ENOX2: variants seen among roughly 807,000 people sequenced by gnomAD.
The protein encoded by ENOX2 is ecto-NOX disulfide-thiol exchanger 2.
A neutral mutation model predicts 45.0 loss-of-function variants in ENOX2; 36 were observed. That is an observed-to-expected ratio of 0.80 (90% CI 0.61 to 1.06). The LOEUF is 1.06. ENOX2 is among the 50% of genes least tolerant of loss of function. The probability of loss-of-function intolerance (pLI) is 0.00; values close to 1 mark genes in which losing one functional copy is unlikely to be tolerated. For synonymous variants in ENOX2, 174 were observed against 152.3 expected, an observed-to-expected ratio of 1.14 and a Z score of -1.05; for missense variants, 423 against 462.5, an observed-to-expected ratio of 0.91 and a Z score of 0.78.
intron 6 of ENOX2, among the ~76,000 whole-genome samples, chrX:130,678,054 T>C (rs2148148702): frequency 9.4e-6 from 1 of 106,216 alleles, no homozygotes; most frequent in African/African-American, 3.5e-5. Flanking sequence ...ATCATTGCAC[T>C]CCAGCCTGGG....
chrX:130,892,289 T>C (rs1385588477), intron 2 of ENOX2, among the ~76,000 whole-genome samples: 1 of 112,631 alleles, frequency 8.9e-6, no homozygotes, highest in Admixed American at 9.3e-5. Flanking sequence ...TAAATCAGCA[T>C]ATTCATGAAG....
chrX:130,782,471 G>C (rs192728132), intron 3 of ENOX2, among the ~76,000 whole-genome samples: 1 of 111,525 alleles, frequency 9.0e-6, no homozygotes, highest in Non-Finnish European at 1.9e-5. Context: ...CCAGAAAACA[G>C]AGCTCTCTAA....
intron 2 of ENOX2, among the ~76,000 whole-genome samples, chrX:130,803,811 G>A (rs1003025771): frequency 8.9e-6 from 1 of 112,303 alleles, no homozygotes; most frequent in Non-Finnish European, 1.9e-5. Flanking sequence ...CCCTAGGGAC[G>A]GATAGAAGTT....
At chrX:130,709,476 T>TA (rs1311452872) in intron 3 of ENOX2, 5 of 410,109 alleles carry the variant, frequency 1.2e-5, no homozygotes, top group Non-Finnish European at 2.1e-5. Context: ...CAACGTCTAC[T>TA]AAAAATATAA....
intron 11 of ENOX2, among the ~76,000 whole-genome samples, chrX:130,635,802 T>C (rs2035917225): frequency 8.9e-6 from 1 of 112,065 alleles, no homozygotes; most frequent in Non-Finnish European, 1.9e-5. Context: ...CTTATTATAC[T>C]ATACGTCTTT....
intron 2 of ENOX2, among the ~76,000 whole-genome samples, chrX:130,840,630 G>A: frequency 9.0e-6 from 1 of 110,984 alleles, no homozygotes; most frequent in Non-Finnish European, 1.9e-5. Context: ...ACTTTGAGAG[G>A]GCAAGGCATG....
chrX:130,761,073 A>G (rs2039480064), intron 3 of ENOX2, among the ~76,000 whole-genome samples: 1 of 110,723 alleles, frequency 9.0e-6, no homozygotes. Context: ...TGGCTTACTA[A>G]TAGTTTGTTA....
intron 6 of ENOX2, 140 bp from the exon 7 acceptor site, chrX:130,670,338 T>C: frequency 2.1e-6 from 1 of 468,705 alleles, no homozygotes; most frequent in Non-Finnish European, 3.7e-6. Context: ...CAGATGTCAC[T>C]GCAGCAGTTC....
intron 3 of ENOX2, among the ~76,000 whole-genome samples, chrX:130,730,489 CAGG>C (rs773483035): frequency 8.9e-6 from 1 of 112,014 alleles, no homozygotes; most frequent in East Asian, 2.8e-4. Context: ...CTGGTACTGA[CAGG>C]AGGAGAAGCC....
At chrX:130,890,379 C>A in intron 2 of ENOX2, among the ~76,000 whole-genome samples, 1 of 111,436 alleles carries the variant, frequency 9.0e-6, no homozygotes, top group Middle Eastern at 4.6e-3. Context: ...CCTAAACCAC[C>A]CAAGCTCCTC....
At chrX:130,689,918 C>T (rs966167816) in intron 4 of ENOX2, among the ~76,000 whole-genome samples, 1 of 111,303 alleles carries the variant, frequency 9.0e-6, no homozygotes, top group Admixed American at 9.6e-5. Context: ...CACAATCTCA[C>T]GCGATACCAT....
chrX:130,797,374 C>T (rs1192247989), intron 2 of ENOX2, among the ~76,000 whole-genome samples: 1 of 111,957 alleles, frequency 8.9e-6, no homozygotes. Flanking sequence ...TGGAATGGGT[C>T]TCAATGCCAA....
chrX:130,720,086 A>C (rs879158368), intron 3 of ENOX2, among the ~76,000 whole-genome samples: 1 of 112,257 alleles, frequency 8.9e-6, no homozygotes, highest in Admixed American at 9.4e-5. Context: ...TAAAAGCTGC[A>C]TTATTATGAT....
chrX:130,683,945 G>A (rs1029893890), intron 5 of ENOX2, among the ~76,000 whole-genome samples: 67 of 111,812 alleles, frequency 6.0e-4, no homozygotes, highest in African/African-American at 2.0e-3. Flanking sequence ...GTCTGATTTT[G>A]CCTAGTCTAC....
chrX:130,897,933 T>C (rs1191919135), intron 2 of ENOX2, among the ~76,000 whole-genome samples: 2 of 111,692 alleles, frequency 1.8e-5, no homozygotes, highest in Non-Finnish European at 3.8e-5. Context: ...AGGCTAGAAG[T>C]GATGCATGTG....
At chrX:130,747,065 T>C (rs1029353152) in intron 3 of ENOX2, among the ~76,000 whole-genome samples, 3 of 112,236 alleles carry the variant, frequency 2.7e-5, no homozygotes, top group Non-Finnish European at 5.6e-5. Context: ...TTTCCTAAGT[T>C]GTTTGATGGT....
Position 130,670,210 on chromosome X carries a change from G to A in ENOX2, c.461-12C>T, listed in dbSNP as rs2036946596. 3.5e-6 allele frequency: 4 copies of A among 1,146,058 alleles called. No homozygotes were observed. Among genetic ancestry groups the A allele is most frequent in the South Asian group, 1.8e-5 (1 of 54,747 alleles). 94.4% of individuals were successfully genotyped at this position (1,146,058 alleles called of 1,213,427 possible). A position where few individuals can be genotyped will look rare whatever the true frequency, so the allele number is the denominator to read the frequency against. On this transcript the variant is annotated splice_polypyrimidine_tract_variant and intron_variant, in intron 6 of 14. Coordinates refer to ENST00000394363, the MANE Select transcript of ENOX2 (RefSeq NM_006375.4). ...GCGAATGCGGTAACCTAAGTCCACA[G>A]GAGGGTGAAAGGGAGAGGAGAGAGG...
intron 3 of ENOX2, among the ~76,000 whole-genome samples, chrX:130,749,745 C>T (rs1310009188): frequency 9.0e-6 from 1 of 110,704 alleles, no homozygotes. Flanking sequence ...GATGGTGGGG[C>T]CTTTGACGGT....
At position 130,701,950 on chromosome X, in the gene ENOX2, A is replaced by G. The variant is rs1038008089; in HGVS notation, c.97+1170T>C. On this transcript the variant is annotated intron_variant, in intron 4 of 14. Transcript: ENST00000394363. Reference sequence around the variant, plus strand: ...AGTTCTTTGCACCTGCCATATATAGAATTTAGACTCCTTTTTTTTCTCCAC... The same window carrying G: ...AGTTCTTTGCACCTGCCATATATAGGATTTAGACTCCTTTTTTTTCTCCAC... Among the ~76,000 whole-genome samples, 3 of 111,833 alleles carry G rather than the reference A, an allele frequency of 2.7e-5. No homozygotes were observed. In the East Asian group the frequency reaches 8.5e-4, roughly 32 times the overall value.
Sources: gnomAD v4.1 joint callset for allele counts (sites outside exome capture counted in the v4.1 genomes callset) on GRCh38, gnomAD v4.1.1 for gene constraint, MANE v1.5 for transcripts, NCBI Gene and HGNC (gene_info 2026-07-23, HGNC 2026-07-21) for gene names.